The following SORCS1 variants were observed in gnomAD, a reference collection of about 807,000 sequenced individuals.
The protein encoded by SORCS1 is VPS10 domain-containing receptor SorCS1.
SORCS1 carries 60 observed loss-of-function variants against 146.1 expected under a neutral mutation model. The ratio of observed to expected loss-of-function variants is 0.41; its 90% CI spans 0.33 to 0.51. The LOEUF (loss-of-function observed/expected upper bound fraction) is 0.51, where lower values mean the gene tolerates loss of function less well. Ranked by LOEUF, SORCS1 falls within the 20% of genes least tolerant of loss-of-function variation. The probability of loss-of-function intolerance (pLI) is 0.21; values close to 1 mark genes in which losing one functional copy is unlikely to be tolerated. For missense variants in SORCS1, 1,352 were observed against 1,487.6 expected, an observed-to-expected ratio of 0.91 and a Z score of 1.50; for synonymous variants, 637 against 584.0, an observed-to-expected ratio of 1.09 and a Z score of -1.31.
chr10:106,667,427 TGAA>T (rs1486479704), intron 17 of SORCS1: 2 of 383,690 alleles, frequency 5.2e-6, no homozygotes, highest in Non-Finnish European at 9.4e-6. Context: ...GTCGAGAAAA[TGAA>T]GACACTTTTA....
intron 15 of SORCS1, among the ~76,000 whole-genome samples, chr10:106,672,255 G>C (rs1851663759): frequency 6.6e-6 from 1 of 152,206 alleles, no homozygotes. Context: ...GAGATCTGCG[G>C]AACGACTTGT....
intron 3 of SORCS1, among the ~76,000 whole-genome samples, chr10:106,807,714 C>A (rs1270891915): frequency 6.6e-6 from 1 of 152,242 alleles, no homozygotes; most frequent in Non-Finnish European, 1.5e-5. Flanking sequence ...CCCATGCAGT[C>A]TTCTGCATCT....
chr10:106,767,483 A>G (rs113350502), intron 4 of SORCS1, among the ~76,000 whole-genome samples: 2 of 151,780 alleles, frequency 1.3e-5, no homozygotes, highest in Admixed American at 6.6e-5. Flanking sequence ...AGATTCTTAT[A>G]TATTTATTTA....
chr10:106,668,945 A>T (rs1851377778), intron 16 of SORCS1, among the ~76,000 whole-genome samples: 2 of 152,140 alleles, frequency 1.3e-5, no homozygotes, highest in African/African-American at 2.4e-5. Flanking sequence ...CCGAAACTCC[A>T]GCTACCGGTA....
At chr10:107,101,206 G>C (rs1473873799) in intron 1 of SORCS1, among the ~76,000 whole-genome samples, 1 of 152,086 alleles carries the variant, frequency 6.6e-6, no homozygotes, top group Non-Finnish European at 1.5e-5. Flanking sequence ...ACCACACCTG[G>C]CTAATAGTTT....
intron 2 of SORCS1, among the ~76,000 whole-genome samples, chr10:106,883,649 G>C (rs191464083): frequency 3.3e-5 from 5 of 152,092 alleles, no homozygotes; most frequent in African/African-American, 1.2e-4. Context: ...TCCTGACCTC[G>C]TGATCCACCC....
chr10:107,045,084 G>A (rs1453899013), intron 1 of SORCS1, among the ~76,000 whole-genome samples: 1 of 152,116 alleles, frequency 6.6e-6, no homozygotes, highest in Non-Finnish European at 1.5e-5. Context: ...GAGAGACCAG[G>A]ACCGTATTAT....
intron 9 of SORCS1, among the ~76,000 whole-genome samples, chr10:106,693,662 T>C (rs1298962751): frequency 6.6e-6 from 1 of 152,226 alleles, no homozygotes; most frequent in Non-Finnish European, 1.5e-5. Context: ...TCCTATTTCT[T>C]TGGTGACTTA....
At chr10:107,174,872 G>T in the SORCS1 span, among the ~76,000 whole-genome samples, 1 of 152,104 alleles carries the variant, frequency 6.6e-6, no homozygotes, top group Admixed American at 6.5e-5. Flanking sequence ...AGGGGGAAAG[G>T]TTTTATTATT....
intron 2 of SORCS1, among the ~76,000 whole-genome samples, chr10:106,915,902 G>A (rs71475429): frequency 0.053 from 8,032 of 152,242 alleles, 232 homozygotes; most frequent in African/African-American, 0.076. Flanking sequence ...TCCTCCAGGA[G>A]GAGCAATGGA....
At chr10:107,055,574 C>T (rs1422876621) in intron 1 of SORCS1, among the ~76,000 whole-genome samples, 1 of 152,222 alleles carries the variant, frequency 6.6e-6, no homozygotes, top group African/African-American at 2.4e-5. Context: ...TAAGTGTGCT[C>T]TGCAGGATTT....
the SORCS1 span, among the ~76,000 whole-genome samples, chr10:107,174,377 T>C: frequency 6.6e-6 from 1 of 152,108 alleles, no homozygotes; most frequent in Admixed American, 6.5e-5. Context: ...GGCTAATTTT[T>C]TGTATTTTGT....
At chr10:106,917,038 C>T (rs1343400086) in intron 2 of SORCS1, among the ~76,000 whole-genome samples, 1 of 152,198 alleles carries the variant, frequency 6.6e-6, no homozygotes, top group Non-Finnish European at 1.5e-5. Context: ...CCACCGCACC[C>T]AGCCCACTTT....
At chr10:107,153,053 T>C (rs1445838337) in intron 1 of SORCS1, among the ~76,000 whole-genome samples, 3 of 152,142 alleles carry the variant, frequency 2.0e-5, no homozygotes, top group African/African-American at 7.2e-5. Flanking sequence ...ATGTTCTTTC[T>C]CTTCCCTTCT....
chr10:106,859,673 A>G (rs1949937005), intron 2 of SORCS1, among the ~76,000 whole-genome samples: 2 of 152,270 alleles, frequency 1.3e-5, no homozygotes, highest in South Asian at 4.2e-4. Flanking sequence ...GATTACAGGC[A>G]TGAGTCACTA....
intron 1 of SORCS1, among the ~76,000 whole-genome samples, chr10:107,005,960 G>C (rs1379422214): frequency 1.3e-5 from 2 of 152,042 alleles, no homozygotes; most frequent in Non-Finnish European, 2.9e-5. Context: ...TCTTGATTTT[G>C]TGGTAATTTG....
intron 4 of SORCS1, among the ~76,000 whole-genome samples, chr10:106,770,478 C>G (rs948733613): frequency 9.3e-6 from 1 of 108,054 alleles, no homozygotes; most frequent in Non-Finnish European, 1.9e-5. Context: ...TTCAAAAAAT[C>G]GCAAAAAAAA....
intron 1 of SORCS1, among the ~76,000 whole-genome samples, chr10:107,006,642 C>T (rs1284995462): frequency 1.3e-5 from 2 of 152,102 alleles, no homozygotes; most frequent in African/African-American, 4.8e-5. Context: ...ACGGTGAAAC[C>T]CCATCTCTAC....
At chr10:107,041,402 AT>A (rs1959145924) in intron 1 of SORCS1, among the ~76,000 whole-genome samples, 1 of 110,180 alleles carries the variant, frequency 9.1e-6, no homozygotes, top group Non-Finnish European at 2.0e-5. Context: ...TCTAAAGGGG[AT>A]TAAAAAAAAA....
Sources: allele counts gnomAD v4.1 joint callset (sites outside exome capture counted in the v4.1 genomes callset), GRCh38; gene constraint gnomAD v4.1.1; transcripts MANE v1.5; gene names NCBI Gene and HGNC (gene_info 2026-07-23, HGNC 2026-07-21).